Variants in TSGA10 observed in about 807,000 individuals in gnomAD.
TSGA10 encodes testis-specific gene 10 protein.
A neutral mutation model predicts 96.6 loss-of-function variants in TSGA10; 43 were observed. The observed-to-expected ratio is 0.44, with a 90% CI of 0.35 to 0.57. The LOEUF is 0.57. Ranked by LOEUF, TSGA10 falls within the 20% of genes least tolerant of loss-of-function variation. The pLI, the probability that TSGA10 is intolerant of heterozygous loss-of-function variation, is 0.01. For missense variants in TSGA10, 703 were observed against 834.4 expected, an observed-to-expected ratio of 0.84 and a Z score of 1.94; for synonymous variants, 229 against 269.9, an observed-to-expected ratio of 0.85 and a Z score of 1.48.
rs1350770760 is a variant in TSGA10, at chr2:99,154,883, G to A, written c.-811C>T. On this transcript the variant is annotated 5_prime_UTR_variant, in exon 1 of 21. Coordinates refer to ENST00000393483, the MANE Select transcript of TSGA10 (RefSeq NM_025244.4). The stretch of plus-strand genomic sequence containing the variant: ...GGGACCCCACGGCTCCGCAGGCGGA[G>A]AGACTAGGCGCGATCCCTGCGCGCC... 3.0e-5 allele frequency: 11 copies of A among 368,656 alleles called. No homozygotes were observed. Among genetic ancestry groups the A allele is most frequent in the Admixed American group, 2.7e-4 (8 of 29,302 alleles). The allele number at this position is 368,656 out of a possible 1,614,324, so 22.8% of individuals were successfully genotyped here.
intron 1 of TSGA10, among the ~76,000 whole-genome samples, chr2:99,153,832 T>C (rs2093719361): frequency 6.6e-6 from 1 of 152,222 alleles, no homozygotes; most frequent in South Asian, 2.1e-4. Context: ...CCTGGTCATT[T>C]ACCGTATCAG....
intron 16 of TSGA10, among the ~76,000 whole-genome samples, chr2:99,054,931 A>G (rs748663795): frequency 1.3e-4 from 20 of 152,242 alleles, no homozygotes; most frequent in East Asian, 1.9e-4. Context: ...TAGTATAGCC[A>G]TTATGGGAAA....
intron 10 of TSGA10, among the ~76,000 whole-genome samples, chr2:99,101,487 G>A (rs779055382): frequency 5.3e-5 from 8 of 151,906 alleles, no homozygotes; most frequent in Non-Finnish European, 8.8e-5. Flanking sequence ...CTTTCTTGGA[G>A]AACATCAACA....
intron 1 of TSGA10, among the ~76,000 whole-genome samples, chr2:99,147,690 C>T (rs2093646635): frequency 1.3e-5 from 2 of 151,958 alleles, no homozygotes; most frequent in South Asian, 4.1e-4. Context: ...AGTTTTAAAC[C>T]TACAGAAATG....
chr2:98,998,574 A>T (rs995930001), intron 20 of TSGA10, among the ~76,000 whole-genome samples: 4 of 152,208 alleles, frequency 2.6e-5, no homozygotes, highest in Non-Finnish European at 4.4e-5. Flanking sequence ...AGACAGGGAG[A>T]TGAAGAAGGT....
intron 10 of TSGA10, among the ~76,000 whole-genome samples, chr2:99,087,467 C>T (rs1433543664): frequency 2.0e-5 from 3 of 152,186 alleles, no homozygotes; most frequent in East Asian, 3.9e-4. Flanking sequence ...GATGGCACCA[C>T]TGCACTCCAG....
At chr2:99,130,509 T>C (rs969845460) in intron 1 of TSGA10, among the ~76,000 whole-genome samples, 11 of 152,228 alleles carry the variant, frequency 7.2e-5, no homozygotes, top group African/African-American at 2.4e-4. Flanking sequence ...AAGTTCCTTA[T>C]AGATTCTAGA....
intron 16 of TSGA10, among the ~76,000 whole-genome samples, chr2:99,053,390 A>G (rs1258861321): frequency 6.6e-6 from 1 of 152,184 alleles, no homozygotes; most frequent in African/African-American, 2.4e-5. Flanking sequence ...AAATTGGATA[A>G]CATGTTAAAA....
chr2:98,999,183 A>G (rs2077681526), intron 20 of TSGA10, among the ~76,000 whole-genome samples: 1 of 152,174 alleles, frequency 6.6e-6, no homozygotes, highest in South Asian at 2.1e-4. Context: ...GTCAGGAGCC[A>G]CTGTGTATGG....
chr2:99,082,654 C>A (rs572390896), intron 10 of TSGA10, among the ~76,000 whole-genome samples: 1 of 152,206 alleles, frequency 6.6e-6, no homozygotes, highest in South Asian at 2.1e-4. Flanking sequence ...ACAGAACTAA[C>A]CCCAGACAAA....
intron 10 of TSGA10, among the ~76,000 whole-genome samples, chr2:99,101,096 T>C (rs1303690341): frequency 6.6e-6 from 1 of 150,452 alleles, no homozygotes; most frequent in African/African-American, 2.4e-5. Flanking sequence ...ACCCCATCTC[T>C]ACTAAAAATA....
At chr2:99,078,834 G>C in intron 11 of TSGA10, 21 bp from the exon 12 acceptor site, 2 of 1,577,688 alleles carry the variant, frequency 1.3e-6, no homozygotes, top group Non-Finnish European at 8.6e-7. Context: ...AATCATAAAA[G>C]TGTTGTTTTA....
intron 1 of TSGA10, among the ~76,000 whole-genome samples, chr2:99,153,166 T>G (rs1196116689): frequency 6.6e-6 from 1 of 152,152 alleles, no homozygotes; most frequent in Non-Finnish European, 1.5e-5. Flanking sequence ...CAGGTTGAGG[T>G]AGTCAAATGA....
At chr2:99,000,475 A>C (rs1354976301) in intron 20 of TSGA10, among the ~76,000 whole-genome samples, 3 of 148,828 alleles carry the variant, frequency 2.0e-5, no homozygotes, top group African/African-American at 7.5e-5. Flanking sequence ...CTGCCATTGC[A>C]CTCCAGTCTG....
chr2:99,119,008 C>T (rs2092434503), intron 2 of TSGA10, among the ~76,000 whole-genome samples: 1 of 152,066 alleles, frequency 6.6e-6, no homozygotes, highest in Non-Finnish European at 1.5e-5. Flanking sequence ...AACACTCGCA[C>T]ACAGAAGTTT....
At chr2:99,118,325 C>A (rs1235102118) in intron 3 of TSGA10, among the ~76,000 whole-genome samples, 5 of 151,534 alleles carry the variant, frequency 3.3e-5, no homozygotes, top group African/African-American at 9.7e-5. Flanking sequence ...GTGGCGAGTG[C>A]CCGTAGTCCC....
intron 1 of TSGA10, among the ~76,000 whole-genome samples, chr2:99,137,567 A>T (rs1574690163): frequency 6.7e-6 from 1 of 150,258 alleles, no homozygotes. Context: ...TTTCTTTTTC[A>T]TTTTTTTTTC....
intron 17 of TSGA10, among the ~76,000 whole-genome samples, chr2:99,021,320 T>C (rs1038638277): frequency 1.3e-5 from 2 of 152,060 alleles, no homozygotes; most frequent in African/African-American, 4.8e-5. Flanking sequence ...AACATTTTGA[T>C]AGTCAATATA....
At chr2:99,100,678 G>A (rs914966659) in intron 10 of TSGA10, among the ~76,000 whole-genome samples, 2 of 151,834 alleles carry the variant, frequency 1.3e-5, no homozygotes, top group Admixed American at 6.6e-5. Flanking sequence ...AAATTAGCCA[G>A]GCGCGGTGGC....
Sources: gnomAD v4.1 joint callset for allele counts (sites outside exome capture counted in the v4.1 genomes callset) on GRCh38, gnomAD v4.1.1 for gene constraint, MANE v1.5 for transcripts, NCBI Gene and HGNC (gene_info 2026-07-23, HGNC 2026-07-21) for gene names.